Variants in SLC1A1 observed in about 807,000 individuals in gnomAD.
SLC1A1 encodes excitatory amino acid transporter 3.
Under a neutral mutation model 53.3 loss-of-function variants are expected in SLC1A1, and 43 were observed. The observed-to-expected ratio is 0.81, with a 90% confidence interval of 0.63 to 1.04. SLC1A1 has a LOEUF of 1.04. Among genes scored for constraint, SLC1A1 ranks in the 50% least tolerant of loss-of-function variants. The pLI is 0.00. For synonymous variants in SLC1A1, 307 were observed against 243.2 expected, an observed-to-expected ratio of 1.26 and a Z score of -2.44; for missense variants, 748 against 664.9, an observed-to-expected ratio of 1.12 and a Z score of -1.37.
At chr9:4,566,673 C>G (rs1016876467) in intron 5 of SLC1A1, among the ~76,000 whole-genome samples, 1 of 151,970 alleles carries the variant, frequency 6.6e-6, no homozygotes, top group African/African-American at 2.4e-5. Context: ...CATGGCAAGA[C>G]CATGTCTCTA....
chr9:4,505,453 G>A (rs1479952245), intron 1 of SLC1A1, among the ~76,000 whole-genome samples: 1 of 152,118 alleles, frequency 6.6e-6, no homozygotes, highest in East Asian at 1.9e-4. Context: ...CCAGTATAAT[G>A]TTTTATGAAG....
chr9:4,523,161 G>A (rs1458822743), intron 1 of SLC1A1, among the ~76,000 whole-genome samples: 1 of 152,178 alleles, frequency 6.6e-6, no homozygotes, highest in Non-Finnish European at 1.5e-5. Flanking sequence ...TGCCTGTGCT[G>A]AGTTGCATCT....
chr9:4,542,368 A>C (rs1817092132), intron 1 of SLC1A1, among the ~76,000 whole-genome samples: 1 of 152,222 alleles, frequency 6.6e-6, no homozygotes, highest in African/African-American at 2.4e-5. Context: ...CCTTTAAAAA[A>C]ATCCTGTATC....
At chr9:4,580,517 G>A (rs1340375704) in intron 10 of SLC1A1, among the ~76,000 whole-genome samples, 2 of 151,114 alleles carry the variant, frequency 1.3e-5, no homozygotes, top group Non-Finnish European at 2.9e-5. Context: ...ATAGGTGGAG[G>A]CTGCAGTGAG....
intron 1 of SLC1A1, among the ~76,000 whole-genome samples, chr9:4,543,077 A>C (rs778189470): frequency 3.9e-5 from 6 of 152,218 alleles, no homozygotes; most frequent in Non-Finnish European, 7.4e-5. Context: ...TACAAAATGC[A>C]TCTTGTGAGG....
At chr9:4,570,033 T>C (rs991484627) in intron 6 of SLC1A1, among the ~76,000 whole-genome samples, 1 of 152,182 alleles carries the variant, frequency 6.6e-6, no homozygotes, top group African/African-American at 2.4e-5. Context: ...TCAAGCAGGG[T>C]GCAAAGGCCC....
At chr9:4,533,019 A>AT (rs963235195) in intron 1 of SLC1A1, among the ~76,000 whole-genome samples, 2 of 152,188 alleles carry the variant, frequency 1.3e-5, no homozygotes, top group African/African-American at 2.4e-5. Context: ...ATGCTGAGAG[A>AT]TTTTGTCACC....
At chr9:4,515,852 C>G (rs906718199) in intron 1 of SLC1A1, among the ~76,000 whole-genome samples, 1 of 152,192 alleles carries the variant, frequency 6.6e-6, no homozygotes, top group Non-Finnish European at 1.5e-5. Context: ...CAAGGCCAGG[C>G]TGTGTTGTGG....
intron 6 of SLC1A1, among the ~76,000 whole-genome samples, chr9:4,568,748 C>G (rs1416248986): frequency 6.6e-6 from 1 of 151,512 alleles, no homozygotes; most frequent in African/African-American, 2.4e-5. Context: ...GAAGTGGTCT[C>G]CAGTGTTCCT....
At chr9:4,544,098 C>T (rs1374568354) in intron 1 of SLC1A1, among the ~76,000 whole-genome samples, 1 of 152,060 alleles carries the variant, frequency 6.6e-6, no homozygotes, top group Non-Finnish European at 1.5e-5. Context: ...ATCGACTGAG[C>T]CTGGAAGGTT....
intron 5 of SLC1A1, among the ~76,000 whole-genome samples, chr9:4,566,519 G>A (rs879715415): frequency 1.3e-5 from 2 of 152,000 alleles, no homozygotes; most frequent in African/African-American, 2.4e-5. Context: ...AACCCTCATG[G>A]TGTGGTCCAC....
At chr9:4,498,918 A>G (rs1224900228) in intron 1 of SLC1A1, among the ~76,000 whole-genome samples, 1 of 147,180 alleles carries the variant, frequency 6.8e-6, no homozygotes, top group Non-Finnish European at 1.5e-5. Context: ...GTATACATAC[A>G]TATACATATG....
Position 4,490,684 on chromosome 9 carries a change from G to T in SLC1A1, c.5G>T (p.Gly2Val). The change falls in exon 1 of 12, where the codon GGG (glycine) becomes GTG (valine). Residue 2 changes from glycine (G) to valine (V), a missense_variant. By Grantham distance (109) the Gly-to-Val change is moderately radical. Transcript: ENST00000262352. The part of the protein sequence containing the change: M[G>V]KPARKGCEWK... ...CGCACAATAGCGGCGACAGCCATGG[G>T]GAAACCGGCGAGGAAAGGATGCGAG... is the stretch of plus-strand genomic sequence containing the variant. The T allele has an allele frequency of 6.2e-7, 1 of 1,612,588 alleles. No individual in the cohort carries two copies. Among genetic ancestry groups the T allele is most frequent in the Non-Finnish European group, 8.5e-7 (1 of 1,178,916 alleles).
At chr9:4,545,218 T>TCTCTCTCC (rs775023975) in intron 2 of SLC1A1, among the ~76,000 whole-genome samples, 2 of 150,480 alleles carry the variant, frequency 1.3e-5, no homozygotes, top group African/African-American at 4.9e-5. Flanking sequence ...TCTCTCTCTC[T>TCTCTCTCC]CCACCTCTCT....
intron 1 of SLC1A1, among the ~76,000 whole-genome samples, chr9:4,498,193 G>A (rs1186659607): frequency 1.3e-5 from 2 of 152,024 alleles, no homozygotes; most frequent in African/African-American, 4.8e-5. Context: ...GGGTTCAAAG[G>A]GCATTACAAG....
chr9:4,505,298 C>G (rs970296984), intron 1 of SLC1A1, among the ~76,000 whole-genome samples: 7 of 152,212 alleles, frequency 4.6e-5, no homozygotes, highest in African/African-American at 1.2e-4. Context: ...ATCCACCTGC[C>G]TTGGCCTCCC....
intron 7 of SLC1A1, among the ~76,000 whole-genome samples, chr9:4,573,527 G>A (rs1442454236): frequency 1.3e-5 from 2 of 152,110 alleles, no homozygotes; most frequent in Admixed American, 6.5e-5. Context: ...ACAGATGACC[G>A]TGGCTAGAAA....
Position 4,585,561 on chromosome 9 carries a change from C to T in SLC1A1, c.*3C>T, listed in dbSNP as rs1821515946. On this transcript the variant is annotated 3_prime_UTR_variant, in exon 12 of 12. Transcript: ENST00000262352. Reference sequence around the variant, plus strand: ...TCACCCAGACCTCACAGTTCTAGGGCCCCTGGCTGCAGATGACTGGAAACA... The same window carrying T: ...TCACCCAGACCTCACAGTTCTAGGGTCCCTGGCTGCAGATGACTGGAAACA... 3.1e-6 allele frequency: 5 copies of T among 1,614,160 alleles called. No individual in the cohort carries two copies. The East Asian group carries it at 6.7e-5, about 22-fold the overall frequency.
intron 1 of SLC1A1, among the ~76,000 whole-genome samples, chr9:4,492,729 G>T (rs536602686): frequency 1.3e-5 from 2 of 151,798 alleles, no homozygotes; most frequent in African/African-American, 4.8e-5. Flanking sequence ...CAGGGAGGTC[G>T]AGGCTGCAGT....
Sources: gnomAD v4.1 joint callset for allele counts (sites outside exome capture counted in the v4.1 genomes callset) on GRCh38, gnomAD v4.1.1 for gene constraint, MANE v1.5 for transcripts, NCBI Gene and HGNC (gene_info 2026-07-23, HGNC 2026-07-21) for gene names.